ELMO1: variants seen among roughly 807,000 people sequenced by gnomAD.
ELMO1 encodes engulfment and cell motility 1.
ELMO1 carries 26 observed loss-of-function variants against 98.9 expected under a neutral mutation model. The observed-to-expected ratio is 0.26, with a 90% CI of 0.19 to 0.36. The LOEUF (loss-of-function observed/expected upper bound fraction) is 0.36. Among genes scored for constraint, ELMO1 ranks in the 10% least tolerant of loss-of-function variants. The probability of loss-of-function intolerance (pLI) is 1.00; values close to 1 mark genes in which losing one functional copy is unlikely to be tolerated. For synonymous variants in ELMO1, 346 were observed against 346.0 expected, an observed-to-expected ratio of 1.00 and a Z score of 0.00; for missense variants, 627 against 935.2, an observed-to-expected ratio of 0.67 and a Z score of 4.30.
chr7:37,170,229 T>G (rs1404403125), intron 13 of ELMO1, among the ~76,000 whole-genome samples: 1 of 152,214 alleles, frequency 6.6e-6, no homozygotes, highest in East Asian at 1.9e-4. Context: ...TTTTCGTCTA[T>G]TTCCAATTCT....
chr7:37,292,010 C>T (rs1299183411), intron 4 of ELMO1, among the ~76,000 whole-genome samples: 1 of 127,458 alleles, frequency 7.8e-6, no homozygotes, highest in African/African-American at 2.7e-5. Context: ...CGAAGCTGGA[C>T]GGTACTGCTG....
chr7:37,261,754 A>C (rs1296796735), intron 5 of ELMO1, among the ~76,000 whole-genome samples: 1 of 152,164 alleles, frequency 6.6e-6, no homozygotes, highest in Non-Finnish European at 1.5e-5. Flanking sequence ...AAGTTCTTGC[A>C]CCATGCCTGG....
chr7:37,167,351 A>C (rs1335299201), intron 13 of ELMO1, among the ~76,000 whole-genome samples: 1 of 152,086 alleles, frequency 6.6e-6, no homozygotes, highest in African/African-American at 2.4e-5. Context: ...TAAAGTTAAT[A>C]GTGTTATGTG....
intron 15 of ELMO1, among the ~76,000 whole-genome samples, chr7:37,057,425 C>A (rs188105750): frequency 3.4e-4 from 52 of 152,312 alleles, no homozygotes; most frequent in Non-Finnish European, 2.2e-4. Context: ...ACCTCTCACT[C>A]CAGGTAGAAA....
intron 1 of ELMO1, among the ~76,000 whole-genome samples, chr7:37,384,582 C>T (rs1225147120): frequency 2.6e-5 from 4 of 151,882 alleles, no homozygotes; most frequent in South Asian, 2.1e-4. Context: ...TAGCCGGGCG[C>T]GGTGGTGGGC....
chr7:37,271,495 G>A, intron 5 of ELMO1: 1 of 225,062 alleles, frequency 4.4e-6, no homozygotes, highest in East Asian at 1.2e-4. Context: ...GAATGTCTTG[G>A]GCCACACATA....
chr7:37,358,959 T>C (rs1411672098), intron 1 of ELMO1, among the ~76,000 whole-genome samples: 1 of 152,146 alleles, frequency 6.6e-6, no homozygotes, highest in Non-Finnish European at 1.5e-5. Flanking sequence ...ATTTAAAAAA[T>C]CAAAACAATT....
chr7:37,229,380 C>T (rs542263167), intron 8 of ELMO1, among the ~76,000 whole-genome samples: 1 of 152,062 alleles, frequency 6.6e-6, no homozygotes, highest in Admixed American at 6.5e-5. Context: ...TCAAGGAATT[C>T]CAAGTTTCAG....
intron 1 of ELMO1, among the ~76,000 whole-genome samples, chr7:37,398,243 G>A (rs1487170534): frequency 6.6e-6 from 1 of 152,178 alleles, no homozygotes; most frequent in African/African-American, 2.4e-5. Flanking sequence ...AGCTCACAGA[G>A]CTCTAGCACA....
intron 16 of ELMO1, among the ~76,000 whole-genome samples, chr7:36,981,934 G>C (rs1220088109): frequency 6.6e-6 from 1 of 152,206 alleles, no homozygotes; most frequent in African/African-American, 2.4e-5. Flanking sequence ...GCTGTGGTAT[G>C]ATGATGGAGT....
intron 1 of ELMO1, among the ~76,000 whole-genome samples, chr7:37,425,037 A>C (rs1804644418): frequency 1.3e-5 from 2 of 152,314 alleles, no homozygotes; most frequent in South Asian, 4.1e-4. Flanking sequence ...TGCCTTAAGA[A>C]GACCCAGGAA....
At chr7:37,191,569 T>C (rs1488255210) in intron 13 of ELMO1, among the ~76,000 whole-genome samples, 1 of 152,084 alleles carries the variant, frequency 6.6e-6, no homozygotes, top group Non-Finnish European at 1.5e-5. Context: ...GTAAAAAAAA[T>C]CATAAATATA....
intron 7 of ELMO1, among the ~76,000 whole-genome samples, chr7:37,237,055 T>G (rs550851117): frequency 3.3e-4 from 50 of 152,310 alleles, no homozygotes; most frequent in African/African-American, 1.2e-3. Flanking sequence ...AGCCACAAAT[T>G]AAGCCAACTG....
At chr7:37,442,165 T>G (rs1050888988) in intron 1 of ELMO1, among the ~76,000 whole-genome samples, 1 of 152,136 alleles carries the variant, frequency 6.6e-6, no homozygotes, top group Non-Finnish European at 1.5e-5. Flanking sequence ...CATTCGACAG[T>G]ACACAGGACA....
At chr7:37,428,641 G>A (rs1016838237) in intron 1 of ELMO1, among the ~76,000 whole-genome samples, 8 of 152,276 alleles carry the variant, frequency 5.3e-5, no homozygotes, top group African/African-American at 7.2e-5. Flanking sequence ...TTTCCACCAC[G>A]TCTTCAGAAA....
chr7:37,101,839 G>T (rs979420091), intron 14 of ELMO1, among the ~76,000 whole-genome samples: 4 of 151,994 alleles, frequency 2.6e-5, no homozygotes, highest in African/African-American at 7.3e-5. Flanking sequence ...TTAAAACAAG[G>T]TAGGTTATCA....
intron 15 of ELMO1, among the ~76,000 whole-genome samples, chr7:37,059,093 T>C (rs1006881270): frequency 6.6e-6 from 1 of 152,140 alleles, no homozygotes; most frequent in Non-Finnish European, 1.5e-5. Context: ...TGCTGGAATA[T>C]TTTCCAAAGC....
chr7:37,402,642 G>A (rs778724252), intron 1 of ELMO1, among the ~76,000 whole-genome samples: 5 of 152,112 alleles, frequency 3.3e-5, no homozygotes, highest in African/African-American at 7.2e-5. Context: ...TGAATCTGAA[G>A]CCATCTGATC....
chr7:37,233,180 A>T lies in ELMO1; in HGVS notation c.464T>A (p.Leu155Gln). 2 of 1,613,590 alleles carry T rather than the reference A, an allele frequency of 1.2e-6. No homozygotes were observed. Among genetic ancestry groups the T allele is most frequent in the Non-Finnish European group, 1.7e-6 (2 of 1,179,766 alleles). The change falls in exon 8 of 22, where the codon CTG (leucine) becomes CAG (glutamine). Residue 155 changes from leucine to glutamine, a missense_variant. Leu to Gln is a moderately radical substitution (Grantham distance 113). This residue lies in a region of ELMO1 where 12 missense variants were observed against 48.6 expected (regional missense o/e 0.25). Coordinates refer to ENST00000310758, the MANE Select transcript of ELMO1 (RefSeq NM_014800.11). Reference protein sequence around the residue: ...KIMKPCFGDMLSFTLTAFVEL... With the variant: ...KIMKPCFGDMQSFTLTAFVEL... ...AACGAAGGCCGTCAGGGTGAAGGACAGCATGTCTCCAAAGCTGAAAAAGAC... is the reference window on the plus strand; with the variant it reads ...AACGAAGGCCGTCAGGGTGAAGGACTGCATGTCTCCAAAGCTGAAAAAGAC...
Sources: allele counts gnomAD v4.1 joint callset (sites outside exome capture counted in the v4.1 genomes callset), GRCh38; gene constraint gnomAD v4.1.1; regional missense constraint gnomAD v4.1.1; transcripts MANE v1.5; gene names NCBI Gene and HGNC (gene_info 2026-07-23, HGNC 2026-07-21).